Variants in ABHD12 observed in about 807,000 individuals in gnomAD.
The protein encoded by ABHD12 is lysophosphatidylserine lipase ABHD12.
ABHD12 carries 43 observed loss-of-function variants against 58.3 expected under a neutral mutation model. That is an observed-to-expected ratio of 0.74 (90% CI 0.58 to 0.95). ABHD12 has a LOEUF of 0.95. ABHD12 is among the 40% of genes least tolerant of loss of function. ABHD12 has a pLI of 0.00. For synonymous variants in ABHD12, 219 were observed against 211.2 expected (o/e 1.04, Z -0.32); for missense variants, 539 against 537.2 (o/e 1.00, Z -0.03).
chr20:25,307,722 G>A (rs894163101), intron 9 of ABHD12, among the ~76,000 whole-genome samples: 20 of 152,196 alleles, frequency 1.3e-4, no homozygotes, highest in African/African-American at 1.7e-4. Context: ...ACGTGAGCCC[G>A]GCCTCCACTG....
rs367943805 is a variant in ABHD12, at chr20:25,302,112, C to T, written c.1157+107G>A. The T allele has an allele frequency of 9.6e-5, 146 of 1,518,776 alleles. 2 individuals are homozygous for T. In the East Asian group the frequency reaches 1.2e-3, roughly 13 times the overall value. The allele number at this position is 1,518,776 out of a possible 1,614,324, so 94.1% of individuals were successfully genotyped here. A position where few individuals can be genotyped will look rare whatever the true frequency, so the allele number is the denominator to read the frequency against. On this transcript the variant is annotated intron_variant, in intron 12 of 12. Coordinates refer to ENST00000339157, the MANE Select transcript of ABHD12 (RefSeq NM_001042472.3). Reference sequence around the variant, plus strand: ...GCTCCCAAATCACTGTGACTCTTGGCCCCACTGAGGCCCCCTGAGCAGCTT... The same window carrying T: ...GCTCCCAAATCACTGTGACTCTTGGTCCCACTGAGGCCCCCTGAGCAGCTT...
chr20:25,299,239 A>G (rs1009645892), downstream of ABHD12, among the ~76,000 whole-genome samples: 2 of 152,172 alleles, frequency 1.3e-5, no homozygotes, highest in Non-Finnish European at 2.9e-5. Context: ...TTTACAAAAC[A>G]TACAAGAATT....
rs2088929427 is a variant in ABHD12 at position 25,314,822 on chromosome 20, G to A, written c.619+103C>T. On this transcript the variant is annotated intron_variant, in intron 6 of 12. Transcript: ENST00000339157. ...ACACCATCACAGCACAGGCAAAGCAGGCGCTGGCCTTGCTCCGAGCCTCTT... is the reference window on the plus strand; with the variant it reads ...ACACCATCACAGCACAGGCAAAGCAAGCGCTGGCCTTGCTCCGAGCCTCTT... The A allele has an allele frequency of 4.7e-6, 6 of 1,281,848 alleles. No homozygotes were observed. The Admixed American group carries it at 6.7e-5, about 14-fold the overall frequency. 79.4% of individuals were successfully genotyped at this position (1,281,848 alleles called of 1,614,324 possible). A position where few individuals can be genotyped will look rare whatever the true frequency, so the allele number is the denominator to read the frequency against.
chr20:25,332,577 GT>G (rs1421102460), intron 2 of ABHD12, among the ~76,000 whole-genome samples: 2 of 151,638 alleles, frequency 1.3e-5, no homozygotes, highest in Non-Finnish European at 2.9e-5. Context: ...CTCAGCAAAT[GT>G]AAAAGAACAG....
downstream of ABHD12, chr20:25,295,737 A>G: frequency 6.7e-7 from 1 of 1,490,082 alleles, no homozygotes; most frequent in Non-Finnish European, 9.4e-7. Context: ...GTTGGGTCAG[A>G]TTGTTTATTT....
chr20:25,357,885 C>G (rs749067067), intron 1 of ABHD12, among the ~76,000 whole-genome samples: 9 of 152,122 alleles, frequency 5.9e-5, no homozygotes, highest in Non-Finnish European at 1.2e-4. Context: ...ATGACACGTG[C>G]TTGTAGTTCC....
At chr20:25,307,417 C>A (rs1017446164) in intron 9 of ABHD12, among the ~76,000 whole-genome samples, 9 of 152,226 alleles carry the variant, frequency 5.9e-5, no homozygotes, top group Non-Finnish European at 1.3e-4. Flanking sequence ...GTGGGGAGCA[C>A]AGGGATCACA....
At position 25,306,842 on chromosome 20, in the gene ABHD12, T is replaced by A. The variant is rs1368468123; in HGVS notation, c.941A>T (p.Asn314Ile). Residue 314 changes from asparagine (N) to isoleucine (I), a missense_variant, in exon 10 of 13, where the codon AAT becomes ATT. Physicochemically the swap from Asn to Ile is moderately radical, Grantham distance 149. Transcript: ENST00000339157. ...PITSSGIKFA[N>I]DENVKHISCP... ...GTCCCATAATACTCACTTTTCATCA[T>A]TTGCAAATTTAATTCCACTACTTGT... 2 of 1,609,550 alleles carry A rather than the reference T, an allele frequency of 1.2e-6. No homozygotes were observed. Among genetic ancestry groups the A allele is most frequent in the South Asian group, 2.2e-5 (2 of 90,942 alleles).
At chr20:25,381,307 T>C (rs1211410634) in intron 1 of ABHD12, among the ~76,000 whole-genome samples, 2 of 152,212 alleles carry the variant, frequency 1.3e-5, no homozygotes, top group Non-Finnish European at 2.9e-5. Flanking sequence ...CCTAAGCACA[T>C]GACATCATGT....
At chr20:25,301,848 G>A (rs1259673343) in intron 12 of ABHD12, among the ~76,000 whole-genome samples, 1 of 152,250 alleles carries the variant, frequency 6.6e-6, no homozygotes, top group Non-Finnish European at 1.5e-5. Flanking sequence ...GGACAAAGAG[G>A]CTTTTGAGGA....
rs1730311540 is a variant in ABHD12, at chr20:25,300,320, G to C, written c.*525C>G. On this transcript the variant is annotated 3_prime_UTR_variant, in exon 13 of 13. Coordinates refer to ENST00000339157, the MANE Select transcript of ABHD12 (RefSeq NM_001042472.3). The stretch of plus-strand genomic sequence containing the variant: ...TGCAGATCCCGGGCACTTCCACTGT[G>C]GGTGAGTGGGCCAGCCCAGGGGAGG... 9.7e-7 allele frequency: 1 copy of C among 1,033,510 alleles called. No individual in the cohort carries two copies. Among genetic ancestry groups the C allele is most frequent in the Admixed American group, 5.0e-5 (1 of 20,014 alleles). 64.0% of individuals were successfully genotyped at this position (1,033,510 alleles called of 1,614,324 possible).
At chr20:25,390,288 G>T (rs1325841818) in intron 1 of ABHD12, among the ~76,000 whole-genome samples, 1 of 152,186 alleles carries the variant, frequency 6.6e-6, no homozygotes, top group Non-Finnish European at 1.5e-5. Flanking sequence ...GACACAGGGG[G>T]TCAGCGGCAG....
chr20:25,295,727 G>T, downstream of ABHD12: 8 of 1,515,350 alleles, frequency 5.3e-6, no homozygotes, highest in Non-Finnish European at 7.3e-6. Context: ...ATGTAGACGT[G>T]TTGGGTCAGA....
At chr20:25,337,539 G>C (rs139509426) in intron 2 of ABHD12, among the ~76,000 whole-genome samples, 8 of 152,336 alleles carry the variant, frequency 5.3e-5, no homozygotes, top group Non-Finnish European at 8.8e-5. Flanking sequence ...TCAAGCTAAA[G>C]AAAATCTATT....
chr20:25,300,959 TA>T, intron 12 of ABHD12, 75 bp from the exon 13 acceptor site: 1 of 1,482,648 alleles, frequency 6.7e-7, no homozygotes, highest in Non-Finnish European at 9.3e-7. Context: ...CTCACACTGC[TA>T]TCTAAGGAAG....
chr20:25,363,595 G>A (rs6050564), intron 1 of ABHD12, among the ~76,000 whole-genome samples: 82,231 of 151,912 alleles, frequency 0.54, 22,831 homozygotes, highest in Admixed American at 0.61. Flanking sequence ...GGGCAGGCAC[G>A]GTGGCTCATT....
At chr20:25,349,149 A>AT (rs1044603892) in intron 1 of ABHD12, among the ~76,000 whole-genome samples, 1 of 152,212 alleles carries the variant, frequency 6.6e-6, no homozygotes, top group Non-Finnish European at 1.5e-5. Flanking sequence ...AACGGGGAAA[A>AT]TAAGAGAGCA....
chr20:25,383,345 G>A (rs573307300), intron 1 of ABHD12, among the ~76,000 whole-genome samples: 2 of 152,310 alleles, frequency 1.3e-5, no homozygotes, highest in East Asian at 3.9e-4. Context: ...AACCTCCCAT[G>A]CAGCCCACTG....
intron 1 of ABHD12, among the ~76,000 whole-genome samples, chr20:25,385,240 G>A (rs2090072793): frequency 6.8e-6 from 1 of 147,610 alleles, no homozygotes; most frequent in Non-Finnish European, 1.5e-5. Context: ...GGGAGGCGGA[G>A]GCAGGAAAAT....
Sources: gnomAD v4.1 joint callset for allele counts (sites outside exome capture counted in the v4.1 genomes callset) on GRCh38, gnomAD v4.1.1 for gene constraint, MANE v1.5 for transcripts, NCBI Gene and HGNC (gene_info 2026-07-23, HGNC 2026-07-21) for gene names.